The following PTPRN2 variants were observed in gnomAD, a reference collection of about 807,000 sequenced individuals.
The protein encoded by PTPRN2 is protein tyrosine phosphatase receptor type N2.
PTPRN2 carries 74 observed loss-of-function variants against 118.8 expected under a neutral mutation model. That is an observed-to-expected ratio of 0.62 (90% CI 0.52 to 0.76). PTPRN2 has a LOEUF of 0.76. Among genes scored for constraint, PTPRN2 ranks in the 30% least tolerant of loss-of-function variants. PTPRN2 has a pLI of 0.00. For synonymous variants in PTPRN2, 641 were observed against 608.0 expected (o/e 1.05, Z -0.80); for missense variants, 1,481 against 1,394.4 (o/e 1.06, Z -0.99).
At chr7:157,966,708 C>T (rs1438381612) in intron 11 of PTPRN2, among the ~76,000 whole-genome samples, 2 of 151,438 alleles carry the variant, frequency 1.3e-5, no homozygotes, top group Non-Finnish European at 2.9e-5. Context: ...ATCTTCATCA[C>T]CACCATCATC....
chr7:157,699,176 T>A (rs1797949515), intron 12 of PTPRN2, among the ~76,000 whole-genome samples: 2 of 152,244 alleles, frequency 1.3e-5, no homozygotes, highest in Non-Finnish European at 2.9e-5. Flanking sequence ...CACAATTATA[T>A]AACTTAGCCA....
chr7:157,997,390 C>A (rs1218315369), intron 11 of PTPRN2, among the ~76,000 whole-genome samples: 1 of 152,256 alleles, frequency 6.6e-6, no homozygotes, highest in Admixed American at 6.5e-5. Context: ...GGAGACAGAC[C>A]CTTGACTTCA....
intron 1 of PTPRN2, among the ~76,000 whole-genome samples, chr7:158,580,415 CCAAA>C (rs1828560234): frequency 6.6e-6 from 1 of 152,216 alleles, no homozygotes; most frequent in Admixed American, 6.5e-5. Flanking sequence ...ATTCCTTCCG[CCAAA>C]CAAACCATTT....
At chr7:157,802,885 A>C (rs75240085) in intron 12 of PTPRN2, among the ~76,000 whole-genome samples, 20,820 of 152,158 alleles carry the variant, frequency 0.14, 1,872 homozygotes, top group African/African-American at 0.24. Flanking sequence ...AATGTCTACT[A>C]AAGTCCTTTG....
rs1156355935 is a variant in PTPRN2, at chr7:157,987,522, C to T, written c.1724-88785G>A. On this transcript the variant is annotated intron_variant, in intron 11 of 22. Transcript: ENST00000389418. The surrounding 1 kb of genome is among the most constrained non-coding windows in gnomAD (Gnocchi z 4.3). ...CAGTCATTATCTCTTGCATAAGAGA[C>T]TTCCCAGGGGCAGAGCAGACCCGGT... Among the ~76,000 whole-genome samples the T allele has an allele frequency of 6.6e-6, 1 of 152,122 alleles. No individual in the cohort carries two copies. The highest frequency in any genetic ancestry group is 1.5e-5 in the Non-Finnish European group (1 of 68,022).
chr7:158,369,170 G>T (rs1809759562), intron 2 of PTPRN2, among the ~76,000 whole-genome samples: 1 of 151,828 alleles, frequency 6.6e-6, no homozygotes, highest in Admixed American at 6.6e-5. Context: ...TCAGCCTTGG[G>T]ACCTGGACTG....
At chr7:158,491,274 C>T (rs867929282) in intron 1 of PTPRN2, among the ~76,000 whole-genome samples, 25 of 152,338 alleles carry the variant, frequency 1.6e-4, no homozygotes, top group African/African-American at 5.5e-4. Flanking sequence ...AGGGCGGCCC[C>T]TGGCTGGGAT....
intron 11 of PTPRN2, among the ~76,000 whole-genome samples, chr7:158,079,744 G>C (rs905218598): frequency 6.6e-6 from 1 of 152,200 alleles, no homozygotes; most frequent in African/African-American, 2.4e-5. Flanking sequence ...GGGAGCTCTG[G>C]CAGCCACGAG....
At chr7:157,818,315 G>A (rs1422164631) in intron 12 of PTPRN2, among the ~76,000 whole-genome samples, 1 of 152,152 alleles carries the variant, frequency 6.6e-6, no homozygotes, top group African/African-American at 2.4e-5. Flanking sequence ...GGTGGAGGCT[G>A]CGGTCTAGCA....
chr7:158,336,545 T>A (rs1238408850), intron 2 of PTPRN2, among the ~76,000 whole-genome samples: 3 of 134,578 alleles, frequency 2.2e-5, no homozygotes, highest in East Asian at 4.7e-4. Context: ...CCTGCCGACG[T>A]CACTCACACC....
chr7:158,304,859 C>G (rs1801166851), intron 3 of PTPRN2, among the ~76,000 whole-genome samples: 2 of 152,168 alleles, frequency 1.3e-5, no homozygotes. Flanking sequence ...TTAATTCCCT[C>G]TTGGATCAGG....
intron 11 of PTPRN2, among the ~76,000 whole-genome samples, chr7:157,973,467 A>G (rs1014930645): frequency 1.3e-5 from 2 of 152,244 alleles, no homozygotes; most frequent in African/African-American, 4.8e-5. Flanking sequence ...AGGGAAATGA[A>G]TTTCCAATAT....
At chr7:157,948,652 A>G (rs1393484353) in intron 11 of PTPRN2, among the ~76,000 whole-genome samples, 1 of 152,206 alleles carries the variant, frequency 6.6e-6, no homozygotes, top group Non-Finnish European at 1.5e-5. Flanking sequence ...ATTAAAAGAG[A>G]GACTGACAGA....
chr7:157,835,072 A>C (rs1467597372), intron 12 of PTPRN2, among the ~76,000 whole-genome samples: 1 of 152,170 alleles, frequency 6.6e-6, no homozygotes, highest in Non-Finnish European at 1.5e-5. Context: ...AGAATGAGTG[A>C]AGAGGGAAGA....
chr7:158,333,886 A>C (rs62480909), intron 2 of PTPRN2, among the ~76,000 whole-genome samples: 4 of 119,528 alleles, frequency 3.3e-5, no homozygotes, highest in Admixed American at 1.7e-4. Flanking sequence ...CACTCTCACC[A>C]TAAGAGCTGA....
At position 158,081,395 on chromosome 7, in the gene PTPRN2, A is replaced by G; in HGVS notation, c.1644-18T>C. ...CGAGAACCCTGGAAGGGATAATTTA[A>G]AATAAGTTCATAACGAAGTCTACGC... On this transcript the variant is annotated intron_variant, in intron 10 of 22. Coordinates refer to ENST00000389418, the MANE Select transcript of PTPRN2 (RefSeq NM_002847.5). 6.2e-7 allele frequency: 1 copy of G among 1,610,562 alleles called. No homozygotes were observed. The highest frequency in any genetic ancestry group is 8.5e-7 in the Non-Finnish European group (1 of 1,176,750).
chr7:157,827,010 C>G (rs540873064), intron 12 of PTPRN2, among the ~76,000 whole-genome samples: 1 of 152,140 alleles, frequency 6.6e-6, no homozygotes, highest in African/African-American at 2.4e-5. Context: ...GTGTCCCCAG[C>G]AGACACATTG....
chr7:158,385,970 C>T (rs1811310955), intron 2 of PTPRN2, among the ~76,000 whole-genome samples: 1 of 146,210 alleles, frequency 6.8e-6, no homozygotes, highest in African/African-American at 2.5e-5. Flanking sequence ...TTTCTGTGCC[C>T]CTCCTCCCTC....
intron 2 of PTPRN2, among the ~76,000 whole-genome samples, chr7:158,331,228 A>T (rs1586300235): frequency 6.9e-6 from 1 of 143,892 alleles, no homozygotes; most frequent in Non-Finnish European, 1.5e-5. Context: ...ATAAGAGCTG[A>T]CGCCCGCAGA....
Sources: allele counts gnomAD v4.1 joint callset (sites outside exome capture counted in the v4.1 genomes callset), GRCh38; gene constraint gnomAD v4.1.1; non-coding constraint Gnocchi (gnomAD v3.1); transcripts MANE v1.5; gene names NCBI Gene and HGNC (gene_info 2026-07-23, HGNC 2026-07-21).